The following HTRA3 variants were observed in gnomAD, a reference collection of about 807,000 sequenced individuals.
HTRA3 encodes the protein HtrA serine peptidase 3, also known as serine protease HTRA3.
Under a neutral mutation model 43.2 loss-of-function variants are expected in HTRA3, and 41 were observed. That is an observed-to-expected ratio of 0.95 (90% CI 0.74 to 1.23). HTRA3 has a LOEUF of 1.23. Among genes scored for constraint, HTRA3 ranks in the 50% most tolerant of loss-of-function variants. The pLI, the probability that HTRA3 is intolerant of heterozygous loss-of-function variation, is 0.00. For missense variants in HTRA3, 628 were observed against 647.1 expected, an observed-to-expected ratio of 0.97 and a Z score of 0.32; for synonymous variants, 295 against 287.9, an observed-to-expected ratio of 1.02 and a Z score of -0.25.
At position 8,270,001 on chromosome 4, in the gene HTRA3, G is replaced by C; in HGVS notation, c.33G>C (p.Leu11Phe). The change falls in exon 1 of 9, where the codon TTG becomes TTC. Residue 11 changes from leucine to phenylalanine, a missense_variant. Coordinates refer to ENST00000307358, the MANE Select transcript of HTRA3 (RefSeq NM_053044.5). MQARALLLAALAALALAREPP... is the reference protein window; with the variant it reads MQARALLLAAFAALALAREPP... ...CGCGAGCGCTGCTCCTGGCCGCGTT[G>C]GCCGCGCTGGCGCTGGCCCGGGAGC... The C allele has an allele frequency of 1.6e-6, 2 of 1,261,586 alleles. No homozygotes were observed. Among genetic ancestry groups the C allele is most frequent in the Non-Finnish European group, 2.0e-6 (2 of 1,008,792 alleles). The allele number at this position is 1,261,586 out of a possible 1,614,324, so 78.1% of individuals were successfully genotyped here.
At chr4:8,273,366 C>T (rs148985596) in intron 1 of HTRA3, among the ~76,000 whole-genome samples, 35 of 152,292 alleles carry the variant, frequency 2.3e-4, no homozygotes, top group African/African-American at 7.0e-4. Flanking sequence ...GTGTGCCAGG[C>T]GCTGCCGGGC....
chr4:8,305,602 T>G (rs1051223320), intron 8 of HTRA3, among the ~76,000 whole-genome samples: 2 of 152,202 alleles, frequency 1.3e-5, no homozygotes, highest in Non-Finnish European at 2.9e-5. Context: ...TCTTCGTAAC[T>G]GCAGTAACAG....
Position 8,288,574 on chromosome 4 carries a change from CT to C in HTRA3, c.708+1807del, listed in dbSNP as rs35966094. On this transcript the variant is annotated intron_variant, in intron 3 of 8. Transcript: ENST00000307358. ...ACAGGCGTGAACCACCGTGCCTAGC[CT>C]TTTTTTTTTTTTTTTGAGACGGGTT... Among the ~76,000 whole-genome samples, 829 of 132,486 alleles carry C rather than the reference CT, an allele frequency of 6.3e-3. 5 individuals carry two copies. The highest frequency in any genetic ancestry group is 0.015 in the African/African-American group (535 of 35,308). The allele number at this position is 132,486 out of a possible 152,430, so 86.9% of individuals were successfully genotyped here.
At chr4:8,299,416 G>T (rs572968033) in intron 6 of HTRA3, among the ~76,000 whole-genome samples, 1 of 152,028 alleles carries the variant, frequency 6.6e-6, no homozygotes, top group Non-Finnish European at 1.5e-5. Context: ...CTACATAGAT[G>T]GCTATGCAGT....
chr4:8,293,392 G>A (rs1157853906), intron 5 of HTRA3, among the ~76,000 whole-genome samples: 1 of 152,198 alleles, frequency 6.6e-6, no homozygotes, highest in East Asian at 1.9e-4. Context: ...TGCCTCCTGA[G>A]CTTCCAGGGA....
At chr4:8,280,558 G>A (rs1306245590) in intron 1 of HTRA3, among the ~76,000 whole-genome samples, 1 of 152,208 alleles carries the variant, frequency 6.6e-6, no homozygotes, top group Non-Finnish European at 1.5e-5. Context: ...CTCACCAAGG[G>A]AGCCGCCTGC....
At chr4:8,275,105 G>C (rs781732089) in intron 1 of HTRA3, among the ~76,000 whole-genome samples, 2 of 152,160 alleles carry the variant, frequency 1.3e-5, no homozygotes, top group African/African-American at 2.4e-5. Flanking sequence ...TGGAACTGCC[G>C]GCAGAGCTGC....
At chr4:8,276,592 G>T (rs995483102) in intron 1 of HTRA3, among the ~76,000 whole-genome samples, 10 of 152,262 alleles carry the variant, frequency 6.6e-5, no homozygotes, top group African/African-American at 2.4e-4. Flanking sequence ...CAGTGGCATG[G>T]AAGTGCCTGA....
intron 6 of HTRA3, among the ~76,000 whole-genome samples, chr4:8,300,660 TAAAG>T (rs1713603167): frequency 6.6e-6 from 1 of 152,212 alleles, no homozygotes; most frequent in African/African-American, 2.4e-5. Context: ...TTATTGATCT[TAAAG>T]AATCAGCTTT....
chr4:8,286,533 A>T lies in HTRA3; in HGVS notation c.486-28A>T, dbSNP rs2153005278. ...CCCCCGCGTCCTAGCCCCACCCTAA[A>T]TGCCCGCCTGTGTCTCCCTGGCTGC... On this transcript the variant is annotated intron_variant, in intron 2 of 8. Coordinates refer to ENST00000307358, the MANE Select transcript of HTRA3 (RefSeq NM_053044.5). The surrounding 1 kb of genome is among the most constrained non-coding windows in gnomAD (Gnocchi z 4.9). The T allele has an allele frequency of 1.2e-6, 2 of 1,607,166 alleles. No individual in the cohort carries two copies. Among genetic ancestry groups the T allele is most frequent in the East Asian group, 4.5e-5 (2 of 44,796 alleles).
chr4:8,288,542 C>G (rs925853678), intron 3 of HTRA3, among the ~76,000 whole-genome samples: 3 of 143,562 alleles, frequency 2.1e-5, no homozygotes, highest in Non-Finnish European at 4.5e-5. Flanking sequence ...CCCAAAGTAC[C>G]GGGATTACAG....
rs149368686 is a variant in HTRA3, at chr4:8,286,054, C to T, written c.486-507C>T. 2.4e-4 allele frequency among the ~76,000 whole-genome samples: 36 copies of T among 152,340 alleles called. No individual in the cohort carries two copies. Among genetic ancestry groups the T allele is most frequent in the African/African-American group, 7.0e-4 (29 of 41,584 alleles). On this transcript the variant is annotated intron_variant, in intron 2 of 8. Coordinates refer to ENST00000307358, the MANE Select transcript of HTRA3 (RefSeq NM_053044.5). The surrounding 1 kb of genome is among the most constrained non-coding windows in gnomAD (Gnocchi z 4.9). ...GCTGTGTGTGCAATGGGGCTTTTCC[C>T]CTAGGGCCAATTATTGTCCTGTTTG...
intron 5 of HTRA3, among the ~76,000 whole-genome samples, chr4:8,293,568 G>T (rs1713324894): frequency 6.6e-6 from 1 of 152,136 alleles, no homozygotes; most frequent in Admixed American, 6.5e-5. Flanking sequence ...GTCCCCAGGG[G>T]CCAGGTCAGA....
intron 6 of HTRA3, among the ~76,000 whole-genome samples, chr4:8,301,061 T>G (rs930180106): frequency 6.6e-6 from 1 of 151,434 alleles, no homozygotes; most frequent in Non-Finnish European, 1.5e-5. Context: ...TTATTATCGA[T>G]TCACACTCTT....
At chr4:8,270,784 A>G (rs1712238330) in intron 1 of HTRA3, among the ~76,000 whole-genome samples, 1 of 152,050 alleles carries the variant, frequency 6.6e-6, no homozygotes. Context: ...GGTTAAGTGC[A>G]TGTCTCCACA....
At chr4:8,271,141 G>T (rs1712254396) in intron 1 of HTRA3, among the ~76,000 whole-genome samples, 1 of 152,162 alleles carries the variant, frequency 6.6e-6, no homozygotes, top group Non-Finnish European at 1.5e-5. Context: ...TGCAGTAGCT[G>T]CCAGAACAGG....
chr4:8,288,979 T>A, intron 3 of HTRA3, among the ~76,000 whole-genome samples: 1 of 147,642 alleles, frequency 6.8e-6, no homozygotes, highest in Non-Finnish European at 1.5e-5. Context: ...TTTCAGGGTC[T>A]CGCTCTGTTG....
chr4:8,293,727 G>C (rs1020819607), intron 5 of HTRA3, among the ~76,000 whole-genome samples: 1 of 152,110 alleles, frequency 6.6e-6, no homozygotes, highest in Non-Finnish European at 1.5e-5. Context: ...CTCTGTCCCC[G>C]ACAGGCCTTA....
At chr4:8,285,723 A>T (rs1456396204) in intron 2 of HTRA3, among the ~76,000 whole-genome samples, 1 of 152,222 alleles carries the variant, frequency 6.6e-6, no homozygotes, top group Admixed American at 6.5e-5. Flanking sequence ...ATTGTTGCCC[A>T]TCGGCAGACA....
Sources: allele counts gnomAD v4.1 joint callset (sites outside exome capture counted in the v4.1 genomes callset), GRCh38; gene constraint gnomAD v4.1.1; non-coding constraint Gnocchi (gnomAD v3.1); transcripts MANE v1.5; gene names NCBI Gene and HGNC (gene_info 2026-07-23, HGNC 2026-07-21).